Variants in PVT1 observed in about 807,000 individuals in gnomAD.
PVT1 encodes Pvt1 oncogene, also known as CXCR4/PVT1 fusion.
At chr8:128,000,309 G>T (rs1156738360) in intron 4 of PVT1, among the ~76,000 whole-genome samples, 1 of 152,176 alleles carries the variant, frequency 6.6e-6, no homozygotes, top group Non-Finnish European at 1.5e-5. Context: ...TCAATTGTCT[G>T]CAGAGGCCAG....
chr8:127,807,257 G>A (rs1814538367), intron 2 of PVT1, among the ~76,000 whole-genome samples: 1 of 152,220 alleles, frequency 6.6e-6, no homozygotes, highest in South Asian at 2.1e-4. Context: ...ATCATCTGGG[G>A]AGAGAAGGGG....
At chr8:128,016,094 A>G (rs1158602866) in intron 4 of PVT1, among the ~76,000 whole-genome samples, 2 of 152,188 alleles carry the variant, frequency 1.3e-5, no homozygotes, top group East Asian at 1.9e-4. Flanking sequence ...CCTGGGCAAC[A>G]TAGCGAAACC....
At position 127,897,015 on chromosome 8, in the gene PVT1, G is replaced by T. The variant is rs369378143; in HGVS notation, n.782+6017G>T. Among the ~76,000 whole-genome samples the T allele has an allele frequency of 2.2e-3, 339 of 152,278 alleles. 1 individual carries two copies. Among genetic ancestry groups the T allele is most frequent in the African/African-American group, 7.8e-3 (325 of 41,548 alleles). On this transcript the variant is annotated intron_variant and non_coding_transcript_variant, in intron 3 of 10. Transcript: ENST00000651587. ...CCCAGCTAGAGCCTGTGGGTATGAA[G>T]ATTGCAGCCCCCTCCTCCTGGGGGA... is the stretch of plus-strand genomic sequence containing the variant.
In PVT1 at chr8:127,997,064, TG is replaced by T. The variant is rs762397411; in HGVS notation, n.912+7774del. ...CTTTCGTTTTTTTTTTTTGTTTGTT[TG>T]TTTTTTGATACAGAGTTTCACTCTT... On this transcript the variant is annotated intron_variant and non_coding_transcript_variant, in intron 4 of 10. Coordinates refer to ENST00000651587, the Ensembl canonical transcript of PVT1. Among the ~76,000 whole-genome samples the T allele has an allele frequency of 4.6e-4, 63 of 135,760 alleles. 16 individuals are homozygous for T. The highest frequency in any genetic ancestry group is 5.7e-4 in the South Asian group (2 of 3,520). The allele number at this position is 135,760 out of a possible 152,430, so 89.1% of individuals were successfully genotyped here.
At chr8:127,831,117 G>A (rs538187058) in intron 2 of PVT1, among the ~76,000 whole-genome samples, 7 of 147,322 alleles carry the variant, frequency 4.8e-5, no homozygotes, top group African/African-American at 7.6e-5. Context: ...GTGTGTGTAT[G>A]TATATATCTA....
intron 3 of PVT1, among the ~76,000 whole-genome samples, chr8:127,904,732 G>A (rs888614421): frequency 6.6e-6 from 1 of 152,214 alleles, no homozygotes; most frequent in African/African-American, 2.4e-5. Context: ...GACTGAGGCC[G>A]GTGATGGGGA....
chr8:127,936,334 G>T (rs1051109032), intron 3 of PVT1, among the ~76,000 whole-genome samples: 38 of 152,216 alleles, frequency 2.5e-4, no homozygotes, highest in African/African-American at 8.4e-4. Flanking sequence ...TTATAGGCGT[G>T]AGCCACCCCA....
At chr8:128,032,999 G>A (rs917605587) in intron 4 of PVT1, among the ~76,000 whole-genome samples, 1 of 152,176 alleles carries the variant, frequency 6.6e-6, no homozygotes. Flanking sequence ...GGTGCAGGTA[G>A]GGTGAAGAGT....
At chr8:128,031,228 A>G (rs1813383349) in intron 4 of PVT1, among the ~76,000 whole-genome samples, 1 of 152,192 alleles carries the variant, frequency 6.6e-6, no homozygotes, top group Admixed American at 6.5e-5. Context: ...GGTGGCTGGC[A>G]GGGGAGGGAC....
chr8:127,954,514 C>T (rs976027020), intron 3 of PVT1, among the ~76,000 whole-genome samples: 1 of 152,014 alleles, frequency 6.6e-6, no homozygotes, highest in Non-Finnish European at 1.5e-5. Context: ...AGGATGGTCT[C>T]GATCTCTTGA....
chr8:128,072,982 C>T (rs556103127), intron 5 of PVT1, among the ~76,000 whole-genome samples: 10 of 152,100 alleles, frequency 6.6e-5, no homozygotes, highest in African/African-American at 7.2e-5. Flanking sequence ...TACAGTTGTG[C>T]GCCACCATGC....
intron 4 of PVT1, among the ~76,000 whole-genome samples, chr8:128,062,085 G>A (rs1262666100): frequency 1.3e-5 from 2 of 152,216 alleles, no homozygotes. Context: ...TCAATAGGGA[G>A]CCTGGTTAAC....
chr8:127,832,850 T>G (rs1457264665), intron 2 of PVT1, among the ~76,000 whole-genome samples: 2 of 151,796 alleles, frequency 1.3e-5, no homozygotes, highest in African/African-American at 2.4e-5. Flanking sequence ...AGAGTGAGAC[T>G]CTGTTTCAAA....
intron 3 of PVT1, among the ~76,000 whole-genome samples, chr8:127,916,109 G>A (rs1815981917): frequency 6.6e-6 from 1 of 152,254 alleles, no homozygotes; most frequent in Non-Finnish European, 1.5e-5. Flanking sequence ...ATGTGGTCAT[G>A]GATGAGTGCC....
chr8:127,971,613 C>G (rs1287164203), intron 3 of PVT1, among the ~76,000 whole-genome samples: 1 of 152,154 alleles, frequency 6.6e-6, no homozygotes, highest in Non-Finnish European at 1.5e-5. Context: ...ATAGAGCAGC[C>G]CAGCCTCTGG....
Position 127,992,074 on chromosome 8 carries a change from CAAAAA to C in PVT1, n.912+2794_912+2798del, listed in dbSNP as rs72120482. Among the ~76,000 whole-genome samples the C allele has an allele frequency of 7.0e-5, 10 of 141,974 alleles. No individual in the cohort carries two copies. In the East Asian group the frequency reaches 1.6e-3, roughly 23 times the overall value. 93.1% of individuals were successfully genotyped at this position (141,974 alleles called of 152,430 possible). Reference sequence around the variant, plus strand: ...TTTCAAACTTCTCTCTTTCTTAAAACAAAAAAAAAAAAAAAGGAAAAAAATTTCTT... The same window carrying C: ...TTTCAAACTTCTCTCTTTCTTAAAACAAAAAAAAAAGGAAAAAAATTTCTT... On this transcript the variant is annotated intron_variant and non_coding_transcript_variant, in intron 4 of 10. Transcript: ENST00000651587.
At chr8:128,097,230 G>A (rs935473607) in intron 6 of PVT1, among the ~76,000 whole-genome samples, 5 of 152,094 alleles carry the variant, frequency 3.3e-5, no homozygotes, top group African/African-American at 4.8e-5. Flanking sequence ...GCATGGTAGC[G>A]CACATCTGTA....
chr8:127,889,878 C>G (rs891272325), intron 2 of PVT1, among the ~76,000 whole-genome samples: 2 of 152,168 alleles, frequency 1.3e-5, no homozygotes, highest in Non-Finnish European at 2.9e-5. Flanking sequence ...TTATTGTTAT[C>G]ATTGGGTGGA....
intron 3 of PVT1, among the ~76,000 whole-genome samples, chr8:127,986,392 T>C (rs1235512297): frequency 6.6e-6 from 1 of 152,118 alleles, no homozygotes; most frequent in African/African-American, 2.4e-5. Context: ...ATCAGGGAAG[T>C]GTTGTCAGTG....
Sources: allele counts gnomAD v4.1 joint callset (sites outside exome capture counted in the v4.1 genomes callset), GRCh38; gene constraint gnomAD v4.1.1; transcripts MANE v1.5; gene names NCBI Gene and HGNC (gene_info 2026-07-23, HGNC 2026-07-21).